The following BMPER variants were observed in gnomAD, a reference collection of about 807,000 sequenced individuals.
The protein encoded by BMPER is BMP-binding endothelial regulator protein.
In BMPER, 45 loss-of-function variants were observed where a neutral mutation model predicts 87.3. The ratio of observed to expected loss-of-function variants is 0.52; its 90% CI spans 0.41 to 0.66. The LOEUF is 0.66. Among genes scored for constraint, BMPER ranks in the 30% least tolerant of loss-of-function variants. BMPER has a pLI of 0.00. For synonymous variants in BMPER, 326 were observed against 316.2 expected (o/e 1.03, Z -0.33); for missense variants, 784 against 867.5 (o/e 0.90, Z 1.21).
chr7:34,020,227 A>G (rs985580789), intron 6 of BMPER, among the ~76,000 whole-genome samples: 14 of 151,988 alleles, frequency 9.2e-5, no homozygotes, highest in Non-Finnish European at 2.1e-4. Flanking sequence ...CATGAAAAAA[A>G]TCTGATCAGA....
At chr7:33,915,307 G>T (rs1329501577) in intron 2 of BMPER, among the ~76,000 whole-genome samples, 2 of 152,162 alleles carry the variant, frequency 1.3e-5, no homozygotes, top group East Asian at 1.9e-4. Flanking sequence ...CAATATAAAA[G>T]AGTCTGACTA....
chr7:34,112,215 C>T (rs1164639363), intron 13 of BMPER, among the ~76,000 whole-genome samples: 1 of 151,938 alleles, frequency 6.6e-6, no homozygotes, highest in African/African-American at 2.4e-5. Flanking sequence ...ACAATGAAGG[C>T]CAGGCGCGGT....
At chr7:34,108,352 C>T (rs1362460) in intron 13 of BMPER, among the ~76,000 whole-genome samples, 82,639 of 152,024 alleles carry the variant, frequency 0.54, 23,286 homozygotes, top group East Asian at 0.79. Context: ...CATGTGGAAC[C>T]GGTCTCATGA....
At chr7:33,933,637 G>T (rs17821771) in intron 2 of BMPER, among the ~76,000 whole-genome samples, 45,029 of 151,920 alleles carry the variant, frequency 0.3, 6,826 homozygotes, top group Non-Finnish European at 0.33. Flanking sequence ...AACTTTCCTT[G>T]TTACCAGAAA....
At chr7:34,122,243 C>T (rs1390143512) in intron 13 of BMPER, among the ~76,000 whole-genome samples, 2 of 152,144 alleles carry the variant, frequency 1.3e-5, no homozygotes, top group East Asian at 3.9e-4. Context: ...TTGAATAGGT[C>T]TGGAATGGAG....
At chr7:33,946,326 A>C (rs1784894193) in intron 3 of BMPER, among the ~76,000 whole-genome samples, 1 of 152,230 alleles carries the variant, frequency 6.6e-6, no homozygotes, top group Non-Finnish European at 1.5e-5. Context: ...AGATTTGGGT[A>C]GGAACACAGC....
chr7:33,945,284 T>G (rs1784865669), intron 3 of BMPER, among the ~76,000 whole-genome samples: 1 of 112,274 alleles, frequency 8.9e-6, no homozygotes, highest in South Asian at 3.3e-4. Flanking sequence ...AGAGTCCCAC[T>G]CTGTCACCCA....
intron 6 of BMPER, among the ~76,000 whole-genome samples, chr7:33,990,502 A>G (rs925477744): frequency 2.0e-4 from 29 of 147,870 alleles, no homozygotes; most frequent in Non-Finnish European, 3.4e-4. Flanking sequence ...TTATCAGCTT[A>G]AGGAGATTTT....
intron 13 of BMPER, among the ~76,000 whole-genome samples, chr7:34,119,860 G>T (rs1790217443): frequency 1.3e-5 from 2 of 151,828 alleles, no homozygotes; most frequent in African/African-American, 4.8e-5. Flanking sequence ...GAATGACACA[G>T]AAAAATTGAA....
chr7:33,956,690 A>G (rs1326223166), intron 3 of BMPER, among the ~76,000 whole-genome samples: 7 of 152,190 alleles, frequency 4.6e-5, no homozygotes, highest in Admixed American at 4.6e-4. Context: ...ATCCACTTCT[A>G]CTTAATGAAT....
chr7:34,018,099 A>G (rs1787081554), intron 6 of BMPER, among the ~76,000 whole-genome samples: 1 of 151,926 alleles, frequency 6.6e-6, no homozygotes, highest in Admixed American at 6.6e-5. Flanking sequence ...AATGTCTGTG[A>G]GCTGAGCTGC....
intron 6 of BMPER, among the ~76,000 whole-genome samples, chr7:34,043,188 A>G (rs905888438): frequency 6.6e-6 from 1 of 152,230 alleles, no homozygotes; most frequent in African/African-American, 2.4e-5. Context: ...GGCTAATGAG[A>G]TAATAAAGAA....
intron 13 of BMPER, among the ~76,000 whole-genome samples, chr7:34,141,731 A>AC (rs1288534625): frequency 2.0e-5 from 3 of 151,732 alleles, no homozygotes; most frequent in Admixed American, 1.3e-4. Context: ...TCAGTCCTTG[A>AC]CATGGAAGGA....
intron 13 of BMPER, among the ~76,000 whole-genome samples, chr7:34,128,485 G>T (rs928464586): frequency 3.3e-5 from 5 of 152,122 alleles, no homozygotes; most frequent in Admixed American, 1.3e-4. Flanking sequence ...TTTATTAAAA[G>T]AATTTTAAAA....
chr7:33,970,491 C>G (rs1404443483), intron 5 of BMPER, 72 bp downstream of exon 5: 219 of 1,483,874 alleles, frequency 1.5e-4, no homozygotes, highest in Non-Finnish European at 2.0e-4. Context: ...CTCCCAACCC[C>G]TCTTGTTGGA....
intron 13 of BMPER, among the ~76,000 whole-genome samples, chr7:34,138,033 A>G (rs60521081): frequency 0.041 from 6,217 of 152,262 alleles, 268 homozygotes; most frequent in African/African-American, 0.11. Flanking sequence ...AGTGTTCTCA[A>G]TCCACTCTGT....
rs747496408 is a variant in BMPER at position 34,085,841 on chromosome 7, C to A, written c.1494C>A (p.Gly498=). The A allele has an allele frequency of 3.7e-6, 6 of 1,614,114 alleles. No individual in the cohort carries two copies. Among genetic ancestry groups the A allele is most frequent in the Admixed American group, 1.7e-5 (1 of 60,010 alleles). The change falls in exon 13 of 15, where the codon GGC becomes GGA. Residue 498 remains glycine, a synonymous_variant. Coordinates refer to ENST00000649409, the MANE Select transcript of BMPER (RefSeq NM_001365308.1). ...HLKGKLCGLC[G]NYNGHKRDDL... is the part of the protein sequence containing the mutation. The stretch of plus-strand genomic sequence containing the variant: ...AGGGCAAGCTCTGTGGTCTTTGTGG[C>A]AACTACAATGGACATAAACGTGATG...
intron 6 of BMPER, among the ~76,000 whole-genome samples, chr7:34,044,348 A>T (rs991009586): frequency 6.6e-6 from 1 of 152,208 alleles, no homozygotes; most frequent in Non-Finnish European, 1.5e-5. Flanking sequence ...ATAGATGCTG[A>T]TCCAACAAGA....
intron 6 of BMPER, among the ~76,000 whole-genome samples, chr7:34,013,877 CT>C (rs766388291): frequency 4.6e-5 from 7 of 151,956 alleles, no homozygotes; most frequent in Non-Finnish European, 1.0e-4. Context: ...CTTTTCTCCT[CT>C]TTTTACCCAA....
Sources: gnomAD v4.1 joint callset for allele counts (sites outside exome capture counted in the v4.1 genomes callset) on GRCh38, gnomAD v4.1.1 for gene constraint, MANE v1.5 for transcripts, NCBI Gene and HGNC (gene_info 2026-07-23, HGNC 2026-07-21) for gene names.